Variants in RPS6KC1 observed in about 807,000 individuals in gnomAD.
RPS6KC1 encodes ribosomal protein S6 kinase C1.
In RPS6KC1, 54 loss-of-function variants were observed where a neutral mutation model predicts 103.8. That is an observed-to-expected ratio of 0.52 (90% CI 0.42 to 0.65). RPS6KC1 has a LOEUF of 0.65. Among genes scored for constraint, RPS6KC1 ranks in the 30% least tolerant of loss-of-function variants. RPS6KC1 has a pLI of 0.00. For missense variants in RPS6KC1, 1,151 were observed against 1,253.8 expected (o/e 0.92, Z 1.24); for synonymous variants, 439 against 438.7 (o/e 1.00, Z -0.01).
At chr1:213,725,435 A>G in the RPS6KC1 span, among the ~76,000 whole-genome samples, 2 of 152,234 alleles carry the variant, frequency 1.3e-5, no homozygotes, top group African/African-American at 2.4e-5. Context: ...GCAGATGCCC[A>G]GGACAAGAGA....
At chr1:213,472,198 G>A in the RPS6KC1 span, among the ~76,000 whole-genome samples, 1 of 152,132 alleles carries the variant, frequency 6.6e-6, no homozygotes, top group African/African-American at 2.4e-5. Flanking sequence ...AAAACTTACT[G>A]TTCAGAGGGA....
chr1:213,478,163 G>A, the RPS6KC1 span, among the ~76,000 whole-genome samples: 1 of 152,018 alleles, frequency 6.6e-6, no homozygotes, highest in Non-Finnish European at 1.5e-5. Context: ...ATATGCATTT[G>A]TTTCCTCCAT....
the RPS6KC1 span, among the ~76,000 whole-genome samples, chr1:213,312,264 G>A: frequency 9.7e-4 from 148 of 152,146 alleles, no homozygotes; most frequent in African/African-American, 3.4e-3. Flanking sequence ...GGGGGCAACT[G>A]CACCCCATGG....
chr1:213,508,641 T>A, the RPS6KC1 span, among the ~76,000 whole-genome samples: 1 of 152,202 alleles, frequency 6.6e-6, no homozygotes, highest in African/African-American at 2.4e-5. Context: ...TTTTCCTTTT[T>A]TTCTTAAGCC....
chr1:213,324,012 C>T, the RPS6KC1 span, among the ~76,000 whole-genome samples: 1 of 152,176 alleles, frequency 6.6e-6, no homozygotes, highest in Admixed American at 6.5e-5. Flanking sequence ...ATAGTTTTTA[C>T]TAACTTTATC....
the RPS6KC1 span, among the ~76,000 whole-genome samples, chr1:213,800,871 A>G: frequency 0.021 from 3,195 of 152,250 alleles, 99 homozygotes; most frequent in African/African-American, 0.07. Context: ...TTTTGATTAG[A>G]GTTGAGCTAT....
chr1:213,364,079 T>A, the RPS6KC1 span, among the ~76,000 whole-genome samples: 3 of 152,142 alleles, frequency 2.0e-5, no homozygotes, highest in African/African-American at 2.4e-5. Flanking sequence ...TTAGGCTTTG[T>A]GGGCCATACA....
At chr1:213,135,825 C>G (rs2086207089) in intron 6 of RPS6KC1, among the ~76,000 whole-genome samples, 1 of 152,136 alleles carries the variant, frequency 6.6e-6, no homozygotes, top group Non-Finnish European at 1.5e-5. Context: ...GGAACTATTT[C>G]ATAGGTTCAG....
the RPS6KC1 span, among the ~76,000 whole-genome samples, chr1:213,622,034 C>A: frequency 6.6e-6 from 1 of 152,080 alleles, no homozygotes; most frequent in Admixed American, 6.6e-5. Context: ...TGGAGTTCCC[C>A]AACTCTCTCA....
the RPS6KC1 span, among the ~76,000 whole-genome samples, chr1:213,529,966 G>A: frequency 6.6e-6 from 1 of 151,980 alleles, no homozygotes; most frequent in African/African-American, 2.4e-5. Context: ...AGCTTTGGGG[G>A]CCCACATTCT....
chr1:213,331,249 G>A, the RPS6KC1 span, among the ~76,000 whole-genome samples: 96 of 152,316 alleles, frequency 6.3e-4, no homozygotes, highest in Middle Eastern at 3.4e-3. Flanking sequence ...CTCCATCCAA[G>A]TCTTAAAGTT....
chr1:213,503,461 G>A, the RPS6KC1 span, among the ~76,000 whole-genome samples: 4 of 152,144 alleles, frequency 2.6e-5, no homozygotes, highest in Admixed American at 1.3e-4. Context: ...CTTCAGCAGG[G>A]GCTCTGGATA....
At chr1:213,141,379 C>T (rs952846011) in intron 6 of RPS6KC1, among the ~76,000 whole-genome samples, 22 of 151,978 alleles carry the variant, frequency 1.4e-4, no homozygotes, top group African/African-American at 5.3e-4. Flanking sequence ...TTACCCATTT[C>T]TTCTAGGTTT....
In RPS6KC1 at chr1:213,098,490, C is replaced by G. The variant is rs368809052; in HGVS notation, c.263-5964C>G. 1.1e-3 allele frequency among the ~76,000 whole-genome samples: 161 copies of G among 152,090 alleles called. 3 individuals are homozygous for G. The South Asian group carries it at 0.033, about 31-fold the overall frequency. On this transcript the variant is annotated intron_variant, in intron 3 of 14. Transcript: ENST00000366960. The stretch of plus-strand genomic sequence containing the variant: ...GTGAGACACCTGTAACTCTTCCTTT[C>G]ACTTGAACACTTAGAGGCCATTGTA...
intron 1 of RPS6KC1, among the ~76,000 whole-genome samples, chr1:213,057,375 T>A (rs1277411973): frequency 6.6e-6 from 1 of 152,204 alleles, no homozygotes; most frequent in Non-Finnish European, 1.5e-5. Flanking sequence ...TACAATGAAA[T>A]TGACTTATTC....
At chr1:213,319,851 G>A in the RPS6KC1 span, among the ~76,000 whole-genome samples, 1 of 152,182 alleles carries the variant, frequency 6.6e-6, no homozygotes, top group African/African-American at 2.4e-5. Context: ...TTATTGTAGT[G>A]CAAATTTCAA....
At chr1:213,837,856 C>A in the RPS6KC1 span, among the ~76,000 whole-genome samples, 1 of 152,064 alleles carries the variant, frequency 6.6e-6, no homozygotes, top group South Asian at 2.1e-4. Flanking sequence ...TTGAGACAAA[C>A]CTTTTTTTTT....
the RPS6KC1 span, among the ~76,000 whole-genome samples, chr1:213,562,557 C>A: frequency 1.3e-5 from 2 of 151,702 alleles, no homozygotes; most frequent in South Asian, 4.2e-4. Flanking sequence ...GCCCGGCTAA[C>A]TTTTTGTATT....
chr1:213,510,460 C>T, the RPS6KC1 span, among the ~76,000 whole-genome samples: 6 of 152,228 alleles, frequency 3.9e-5, no homozygotes, highest in South Asian at 1.2e-3. Context: ...CTCTATACCC[C>T]CTAACTTCAT....
Sources: allele counts gnomAD v4.1 joint callset (sites outside exome capture counted in the v4.1 genomes callset), GRCh38; gene constraint gnomAD v4.1.1; transcripts MANE v1.5; gene names NCBI Gene and HGNC (gene_info 2026-07-23, HGNC 2026-07-21).